B4GALNT3: variants seen among roughly 807,000 people sequenced by gnomAD.
B4GALNT3 encodes the protein beta-1,4-N-acetyl-galactosaminyltransferase 3.
A neutral mutation model predicts 120.2 loss-of-function variants in B4GALNT3; 86 were observed. The observed-to-expected ratio is 0.72, with a 90% confidence interval of 0.60 to 0.86. The LOEUF is 0.86. B4GALNT3 is among the 40% of genes least tolerant of loss of function. The pLI, the probability that B4GALNT3 is intolerant of heterozygous loss-of-function variation, is 0.00. For missense variants in B4GALNT3, 1,167 were observed against 1,298.9 expected, an observed-to-expected ratio of 0.90 and a Z score of 1.56; for synonymous variants, 518 against 510.4, an observed-to-expected ratio of 1.01 and a Z score of -0.20.
Position 548,741 on chromosome 12 carries a change from C to G in B4GALNT3, c.853+444C>G, listed in dbSNP as rs1947038815. Among the ~76,000 whole-genome samples the G allele has an allele frequency of 1.3e-5, 2 of 151,960 alleles. No individual in the cohort carries two copies. Among genetic ancestry groups the G allele is most frequent in the Admixed American group, 1.3e-4 (2 of 15,268 alleles). On this transcript the variant is annotated intron_variant, in intron 9 of 19. Coordinates refer to ENST00000266383, the MANE Select transcript of B4GALNT3 (RefSeq NM_173593.4). This position sits in a 1 kb window ranked among gnomAD's most constrained non-coding sequence, Gnocchi z 4.9. ...CCCAGGCCACATAGCGACACCTCATCTCTACAAAAAATTAAAAAATTAACT... is the reference window on the plus strand; with the variant it reads ...CCCAGGCCACATAGCGACACCTCATGTCTACAAAAAATTAAAAAATTAACT...
chr12:511,013 CTTTTTTTT>C (rs762032000), intron 1 of B4GALNT3, among the ~76,000 whole-genome samples: 16 of 43,882 alleles, frequency 3.6e-4, no homozygotes, highest in African/African-American at 8.1e-4. Context: ...TTTGCCTATT[CTTTTTTTT>C]TTTTTTTTTT....
chr12:536,600 A>G (rs1431966477), intron 3 of B4GALNT3, among the ~76,000 whole-genome samples: 1 of 152,168 alleles, frequency 6.6e-6, no homozygotes, highest in Non-Finnish European at 1.5e-5. Context: ...CTCCAGCTTC[A>G]GCCTCCTGAC....
Sources: allele counts gnomAD v4.1 joint callset (sites outside exome capture counted in the v4.1 genomes callset), GRCh38; gene constraint gnomAD v4.1.1; non-coding constraint Gnocchi (gnomAD v3.1); transcripts MANE v1.5; gene names NCBI Gene and HGNC (gene_info 2026-07-23, HGNC 2026-07-21).